Variants in KCNK18 observed in about 807,000 individuals in gnomAD.
KCNK18 encodes the protein potassium channel subfamily K member 18.
In KCNK18, 8 loss-of-function variants were observed where a neutral mutation model predicts 11.8. The observed-to-expected ratio is 0.68, with a 90% confidence interval of 0.40 to 1.22. KCNK18 has a LOEUF of 1.22. KCNK18 is among the 50% of genes most tolerant of loss of function. KCNK18 has a pLI of 0.01. For missense variants in KCNK18, 442 were observed against 465.4 expected, an observed-to-expected ratio of 0.95 and a Z score of 0.46; for synonymous variants, 208 against 185.8, an observed-to-expected ratio of 1.12 and a Z score of -0.97.
chr10:117,201,679 T>G (rs868382515), intron 2 of KCNK18, among the ~76,000 whole-genome samples: 7 of 152,160 alleles, frequency 4.6e-5, no homozygotes, highest in Non-Finnish European at 1.0e-4. Flanking sequence ...ACCTGGCACA[T>G]AGAAACTGGG....
intron 2 of KCNK18, among the ~76,000 whole-genome samples, chr10:117,206,326 T>C (rs1051392744): frequency 2.6e-5 from 4 of 152,162 alleles, no homozygotes; most frequent in Non-Finnish European, 5.9e-5. Flanking sequence ...CTCTTGTCTC[T>C]GCCTCTGAGG....
At position 117,209,862 on chromosome 10, in the gene KCNK18, C is replaced by T. The variant is rs151190373; in HGVS notation, c.718C>T (p.Leu240=). 1,741 of 1,614,218 alleles carry T rather than the reference C, an allele frequency of 1.1e-3. 2 individuals are homozygous for T. The highest frequency in any genetic ancestry group is 1.4e-3 in the Non-Finnish European group (1,611 of 1,180,042). ...RSHALEKQNT[L]QLPPQAMERS... ...TCATGCGCTAGAGAAACAGAACACA[C>T]TGCAACTGCCCCCACAAGCCATGGA... Residue 240 remains leucine, a synonymous_variant, in exon 3 of 3, where the codon CTG becomes TTG. Coordinates refer to ENST00000334549, the MANE Select transcript of KCNK18 (RefSeq NM_181840.1).
intron 2 of KCNK18, among the ~76,000 whole-genome samples, chr10:117,203,131 C>A (rs1268177842): frequency 6.6e-6 from 1 of 152,026 alleles, no homozygotes; most frequent in Non-Finnish European, 1.5e-5. Context: ...CCCATCTCGG[C>A]CTCCCAAAAT....
intron 2 of KCNK18, among the ~76,000 whole-genome samples, chr10:117,208,228 G>A (rs1197158197): frequency 6.6e-6 from 1 of 152,130 alleles, no homozygotes; most frequent in Non-Finnish European, 1.5e-5. Flanking sequence ...TCGTTTCTCT[G>A]TGCTTCAGTT....
In KCNK18 at chr10:117,210,241, A is replaced by AG. The variant is rs1843747991; in HGVS notation, c.1097_1098insG (p.Tyr366Ter). 1 of 1,614,096 alleles carries AG rather than the reference A, an allele frequency of 6.2e-7. No individual in the cohort carries two copies. Among genetic ancestry groups the AG allele is most frequent in the African/African-American group, 1.3e-5 (1 of 74,948 alleles). The change falls in exon 3 of 3, where the codon TAC becomes TAGC. Residue 366 changes from tyrosine to a stop codon, truncating the protein, a stop_gained and frameshift_variant. Transcript: ENST00000334549. LOFTEE classifies it low-confidence loss of function (END_TRUNC). ...KLVQNRLIDI[Y>*]KNVMLFFAKG... The stretch of plus-strand genomic sequence containing the variant: ...GTGCAAAACAGGCTGATTGACATAT[A>AG]CAAAAATGTTATGCTATTCTTTGCA...
intron 2 of KCNK18, among the ~76,000 whole-genome samples, chr10:117,209,129 T>G (rs1228902688): frequency 6.6e-6 from 1 of 152,198 alleles, no homozygotes; most frequent in African/African-American, 2.4e-5. Flanking sequence ...CTCTCACTTG[T>G]ACTCATCCTG....
At chr10:117,199,896 C>T (rs182314707) in intron 1 of KCNK18, among the ~76,000 whole-genome samples, 126 of 152,284 alleles carry the variant, frequency 8.3e-4, no homozygotes, top group African/African-American at 2.9e-3. Context: ...AGCCCACTGG[C>T]GGCTCAGGCC....
chr10:117,208,184 T>C (rs1435660353), intron 2 of KCNK18, among the ~76,000 whole-genome samples: 1 of 152,188 alleles, frequency 6.6e-6, no homozygotes, highest in Non-Finnish European at 1.5e-5. Flanking sequence ...CCAACTCCAC[T>C]GTGTATCACA....
intron 1 of KCNK18, among the ~76,000 whole-genome samples, chr10:117,199,044 A>C (rs1854983335): frequency 6.6e-6 from 1 of 152,230 alleles, no homozygotes. Context: ...AAGGCCAAGC[A>C]TGGTGGCTCA....
chr10:117,207,024 G>A (rs1356601901), intron 2 of KCNK18, among the ~76,000 whole-genome samples: 1 of 152,020 alleles, frequency 6.6e-6, no homozygotes, highest in Non-Finnish European at 1.5e-5. Flanking sequence ...AATCCAGGAT[G>A]GGTGCCTTTG....
At chr10:117,207,584 C>T (rs1211870539) in intron 2 of KCNK18, among the ~76,000 whole-genome samples, 1 of 152,200 alleles carries the variant, frequency 6.6e-6, no homozygotes, top group Non-Finnish European at 1.5e-5. Context: ...ACATAGTTAA[C>T]TGACGCTGCC....
intron 2 of KCNK18, among the ~76,000 whole-genome samples, chr10:117,208,206 G>A (rs763402144): frequency 2.6e-5 from 4 of 152,104 alleles, no homozygotes; most frequent in Non-Finnish European, 5.9e-5. Context: ...GTATGCTCAC[G>A]GCCAAGCTAC....
At chr10:117,200,580 G>T (rs1855000983) in intron 1 of KCNK18, among the ~76,000 whole-genome samples, 1 of 152,154 alleles carries the variant, frequency 6.6e-6, no homozygotes, top group Non-Finnish European at 1.5e-5. Flanking sequence ...GGCTGAGGCA[G>T]GTGGATCACA....
At position 117,206,303 on chromosome 10, in the gene KCNK18, C is replaced by T. The variant is rs367912524; in HGVS notation, c.353-3194C>T. On this transcript the variant is annotated intron_variant, in intron 2 of 2. Coordinates refer to ENST00000334549, the MANE Select transcript of KCNK18 (RefSeq NM_181840.1). ...TGGTGGCTGCCAGCATCCCCTGGCT[C>T]GTGGCCACATCACTCTTGTCTCTGC... 4.9e-4 allele frequency among the ~76,000 whole-genome samples: 75 copies of T among 152,192 alleles called. No homozygotes were observed. The South Asian group carries it at 0.01, about 21-fold the overall frequency.
chr10:117,198,165 C>T lies in KCNK18; in HGVS notation c.223+454C>T, dbSNP rs113722287. Among the ~76,000 whole-genome samples the T allele has an allele frequency of 3.3e-4, 50 of 152,292 alleles. 2 individuals are homozygous for T. The highest frequency in any genetic ancestry group is 1.2e-3 in the African/African-American group (50 of 41,550). On this transcript the variant is annotated intron_variant, in intron 1 of 2. Transcript: ENST00000334549. The stretch of plus-strand genomic sequence containing the variant: ...TTTGCAGGGATGAGAATTTAGGGAA[C>T]AACCCAAATTGGATTTAAATTCCAG...
intron 2 of KCNK18, among the ~76,000 whole-genome samples, chr10:117,208,421 G>A (rs559205296): frequency 1.3e-5 from 2 of 152,202 alleles, no homozygotes; most frequent in African/African-American, 2.4e-5. Flanking sequence ...ACGCAAAGTA[G>A]GTATTGTCAT....
At chr10:117,200,221 G>T (rs1382810412) in intron 1 of KCNK18, among the ~76,000 whole-genome samples, 1 of 152,058 alleles carries the variant, frequency 6.6e-6, no homozygotes, top group Non-Finnish European at 1.5e-5. Context: ...GGGACCACAG[G>T]TGTGTGCCAC....
At position 117,209,802 on chromosome 10, in the gene KCNK18, C is replaced by A. The variant is rs553050625; in HGVS notation, c.658C>A (p.Arg220Ser). The A allele has an allele frequency of 1.2e-5, 19 of 1,614,152 alleles. No individual in the cohort carries two copies. Among genetic ancestry groups the A allele is most frequent in the Non-Finnish European group, 1.6e-5 (19 of 1,180,034 alleles). The change falls in exon 3 of 3, where the codon CGC becomes AGC. Residue 220 changes from arginine (R) to serine (S), a missense_variant. By Grantham distance (110) the Arg-to-Ser change is moderately radical. Coordinates refer to ENST00000334549, the MANE Select transcript of KCNK18 (RefSeq NM_181840.1). ...CCCCAAACTTGGCACATGTCCTTCA[C>A]GCCCAAGCTGCAGCATGGAGCTGTT... Reference protein sequence around the residue: ...PGPKLGTCPSRPSCSMELFER... With the variant: ...PGPKLGTCPSSPSCSMELFER...
At chr10:117,199,525 C>T (rs191504554) in intron 1 of KCNK18, among the ~76,000 whole-genome samples, 14 of 152,308 alleles carry the variant, frequency 9.2e-5, no homozygotes, top group Admixed American at 9.2e-4. Context: ...AAGAAAACAA[C>T]AAAAAGTTGT....
Sources: gnomAD v4.1 joint callset for allele counts (sites outside exome capture counted in the v4.1 genomes callset) on GRCh38, gnomAD v4.1.1 for gene constraint, MANE v1.5 for transcripts, NCBI Gene and HGNC (gene_info 2026-07-23, HGNC 2026-07-21) for gene names.